Variants in CTNNA2 observed in about 807,000 individuals in gnomAD.
The protein encoded by CTNNA2 is catenin alpha 2, also known as catenin alpha-2.
In CTNNA2, 42 loss-of-function variants were observed where a neutral mutation model predicts 101.0. The ratio of observed to expected loss-of-function variants is 0.42; its 90% CI spans 0.32 to 0.54. The LOEUF (loss-of-function observed/expected upper bound fraction) is 0.54. Among genes scored for constraint, CTNNA2 ranks in the 20% least tolerant of loss-of-function variants. The pLI, the probability that CTNNA2 is intolerant of heterozygous loss-of-function variation, is 0.14. For synonymous variants in CTNNA2, 450 were observed against 456.4 expected (o/e 0.99, Z 0.18); for missense variants, 871 against 1,223.1 (o/e 0.71, Z 4.29).
In CTNNA2 at chr2:80,647,958, A is replaced by G. The variant is rs2149874704; in HGVS notation, c.*86A>G. ...TTCCATTTTTGTATGCATACCTGCC[A>G]GCTCGTATGCCTCTGGCATGGGGAA... On this transcript the variant is annotated 3_prime_UTR_variant, in exon 19 of 19. Transcript: ENST00000402739. 2 of 1,288,236 alleles carry G rather than the reference A, an allele frequency of 1.6e-6. No homozygotes were observed. The highest frequency in any genetic ancestry group is 2.1e-6 in the Non-Finnish European group (2 of 939,448). The allele number at this position is 1,288,236 out of a possible 1,614,324, so 79.8% of individuals were successfully genotyped here.
chr2:79,293,284 G>T (rs1283806705), intron 2 of CTNNA2: 4 of 152,056 alleles, frequency 2.6e-5, no homozygotes, highest in Non-Finnish European at 5.9e-5. Flanking sequence ...TGAGGTATGT[G>T]GGCCAATTTC....
chr2:80,242,445 G>T (rs1038025506), intron 7 of CTNNA2, among the ~76,000 whole-genome samples: 1 of 152,182 alleles, frequency 6.6e-6, no homozygotes, highest in Non-Finnish European at 1.5e-5. Flanking sequence ...TGACTCCTCT[G>T]TTGGAGCTGG....
intron 7 of CTNNA2, among the ~76,000 whole-genome samples, chr2:80,088,439 G>C (rs1396765108): frequency 6.6e-6 from 1 of 151,932 alleles, no homozygotes; most frequent in African/African-American, 2.4e-5. Context: ...AGGCTGTCTT[G>C]TCCCTTATTG....
intron 2 of CTNNA2, among the ~76,000 whole-genome samples, chr2:79,675,884 C>T (rs1246249729): frequency 1.3e-5 from 2 of 152,172 alleles, no homozygotes; most frequent in African/African-American, 4.8e-5. Flanking sequence ...GCCCTTATTC[C>T]TTTGGGCAAG....
intron 7 of CTNNA2, among the ~76,000 whole-genome samples, chr2:79,921,161 T>G (rs1686625980): frequency 6.6e-6 from 1 of 152,194 alleles, no homozygotes. Context: ...AACAGTCTCC[T>G]GCTGAGGGGG....
At chr2:79,543,993 C>T (rs1015528268) in intron 1 of CTNNA2, among the ~76,000 whole-genome samples, 1 of 152,128 alleles carries the variant, frequency 6.6e-6, no homozygotes, top group African/African-American at 2.4e-5. Context: ...TGCTGGAGTT[C>T]AGTGGTATGA....
intron 4 of CTNNA2, among the ~76,000 whole-genome samples, chr2:79,438,939 G>A (rs1290371060): frequency 6.6e-6 from 1 of 152,212 alleles, no homozygotes; most frequent in Non-Finnish European, 1.5e-5. Context: ...GCAAGGATGT[G>A]AAGAAACTGG....
At chr2:80,178,046 AG>A (rs745578984) in intron 7 of CTNNA2, among the ~76,000 whole-genome samples, 27 of 152,186 alleles carry the variant, frequency 1.8e-4, no homozygotes, top group Non-Finnish European at 2.9e-4. Flanking sequence ...TGTGTAAATC[AG>A]GCCCTTGTCA....
intron 2 of CTNNA2, among the ~76,000 whole-genome samples, chr2:79,730,248 G>A (rs947418415): frequency 3.3e-5 from 5 of 152,072 alleles, no homozygotes; most frequent in Non-Finnish European, 5.9e-5. Flanking sequence ...TCACAAACAT[G>A]TGCTATATGT....
Position 79,630,140 on chromosome 2 carries a change from C to T in CTNNA2, c.-5-21412C>T, listed in dbSNP as rs544081369. Among the ~76,000 whole-genome samples, 46 of 152,316 alleles carry T rather than the reference C, an allele frequency of 3.0e-4. No homozygotes were observed. The South Asian group carries it at 8.7e-3, about 29-fold the overall frequency. On this transcript the variant is annotated intron_variant, in intron 1 of 18. Coordinates refer to ENST00000402739, the MANE Select transcript of CTNNA2 (RefSeq NM_001282597.3). ...CCCTGCTTTATTCATTCCTTCCTGC[C>T]GTACCACAATATAGACCCTGGGACC...
intron 2 of CTNNA2, among the ~76,000 whole-genome samples, chr2:79,735,304 G>A (rs11680540): frequency 0.4 from 60,267 of 151,912 alleles, 13,593 homozygotes; most frequent in African/African-American, 0.63. Flanking sequence ...ACAGGTGCAT[G>A]AAGAAAAGGC....
intron 1 of CTNNA2, among the ~76,000 whole-genome samples, chr2:79,607,817 A>G (rs1234688227): frequency 6.6e-6 from 1 of 152,142 alleles, no homozygotes; most frequent in East Asian, 1.9e-4. Flanking sequence ...GAAAAAAGAA[A>G]TATCTCAAAT....
intron 1 of CTNNA2, among the ~76,000 whole-genome samples, chr2:79,590,602 C>G (rs2685152): frequency 0.81 from 123,554 of 152,124 alleles, 50,347 homozygotes; most frequent in Middle Eastern, 0.85. Context: ...TTAAAACTTA[C>G]GCTTTCGTCC....
chr2:80,105,913 T>C (rs148272601), intron 7 of CTNNA2, among the ~76,000 whole-genome samples: 83 of 152,288 alleles, frequency 5.5e-4, no homozygotes, highest in African/African-American at 1.9e-3. Context: ...GTCTGGGACA[T>C]TAGAGTCACA....
rs373570166 is a variant in CTNNA2 at position 79,198,618 on chromosome 2, G to T, written c.-406+542G>T. ...TAAGAGATATTCCCATCAAGTATAGGATTTTAATAAATAATAATTCTACCA... is the reference window on the plus strand; with the variant it reads ...TAAGAGATATTCCCATCAAGTATAGTATTTTAATAAATAATAATTCTACCA... On this transcript the variant is annotated intron_variant, in intron 2 of 21. Coordinates refer to the CTNNA2 transcript ENST00000466387. Among the ~76,000 whole-genome samples, 38 of 152,226 alleles carry T rather than the reference G, an allele frequency of 2.5e-4. 1 individual carries two copies. The South Asian group carries it at 7.9e-3, about 32-fold the overall frequency.
At chr2:79,585,182 A>G (rs1417413722) in intron 1 of CTNNA2, among the ~76,000 whole-genome samples, 1 of 151,810 alleles carries the variant, frequency 6.6e-6, no homozygotes, top group Non-Finnish European at 1.5e-5. Context: ...TATATATAAA[A>G]TTTTTCTTTT....
intron 7 of CTNNA2, among the ~76,000 whole-genome samples, chr2:80,040,913 TTGA>T (rs1442932820): frequency 1.3e-5 from 2 of 152,220 alleles, no homozygotes; most frequent in Non-Finnish European, 2.9e-5. Flanking sequence ...AACAAGTATG[TTGA>T]TGATAATAAA....
intron 7 of CTNNA2, among the ~76,000 whole-genome samples, chr2:80,266,088 G>A (rs549616286): frequency 2.0e-5 from 3 of 152,338 alleles, no homozygotes; most frequent in South Asian, 2.1e-4. Context: ...CATTGAAGTA[G>A]TTGGAGTCAG....
chr2:79,514,147 C>T (rs1032053677), intron 1 of CTNNA2, among the ~76,000 whole-genome samples: 2 of 152,150 alleles, frequency 1.3e-5, no homozygotes, highest in Non-Finnish European at 2.9e-5. Context: ...ATGTTTTGCT[C>T]AGCATACAAA....
Sources: gnomAD v4.1 joint callset for allele counts (sites outside exome capture counted in the v4.1 genomes callset) on GRCh38, gnomAD v4.1.1 for gene constraint, MANE v1.5 for transcripts, NCBI Gene and HGNC (gene_info 2026-07-23, HGNC 2026-07-21) for gene names.